Variants in TMCO1 observed in about 807,000 individuals in gnomAD.
The protein encoded by TMCO1 is calcium load-activated calcium channel.
TMCO1 carries 29 observed loss-of-function variants against 29.3 expected under a neutral mutation model. That is an observed-to-expected ratio of 0.99 (90% CI 0.74 to 1.35). The LOEUF is 1.35. TMCO1 is among the 40% of genes most tolerant of loss of function. The probability of loss-of-function intolerance (pLI) is 0.00; values close to 1 mark genes in which losing one functional copy is unlikely to be tolerated. For missense variants in TMCO1, 173 were observed against 225.5 expected (o/e 0.77, Z 1.49); for synonymous variants, 80 against 77.1 (o/e 1.04, Z -0.20).
At chr1:165,734,414 A>T (rs2101790042) in intron 6 of TMCO1, among the ~76,000 whole-genome samples, 1 of 152,346 alleles carries the variant, frequency 6.6e-6, no homozygotes, top group Admixed American at 6.5e-5. Flanking sequence ...CTGTTAGAAA[A>T]AAGAGGGTTG....
At chr1:165,759,826 A>G (rs1478938770) in intron 2 of TMCO1, among the ~76,000 whole-genome samples, 1 of 152,224 alleles carries the variant, frequency 6.6e-6, no homozygotes, top group Non-Finnish European at 1.5e-5. Context: ...AAAGAATTGT[A>G]TTGATATAAT....
chr1:165,732,477 TTCTCTC>T (rs143135718), intron 6 of TMCO1, among the ~76,000 whole-genome samples: 24,101 of 143,854 alleles, frequency 0.17, 2,182 homozygotes, highest in South Asian at 0.25. Context: ...AGCAAATGGT[TTCTCTC>T]TCTCTCTCTC....
At chr1:165,765,196 A>G (rs60421446) in intron 2 of TMCO1, among the ~76,000 whole-genome samples, 2,020 of 152,348 alleles carry the variant, frequency 0.013, 52 homozygotes, top group African/African-American at 0.047. Context: ...ATCATACAGT[A>G]TATTAGAAAG....
chr1:165,740,849 A>T (rs560811242), intron 6 of TMCO1, among the ~76,000 whole-genome samples: 1 of 152,308 alleles, frequency 6.6e-6, no homozygotes, highest in East Asian at 1.9e-4. Flanking sequence ...CCATCTTATG[A>T]TGTAGCAGGA....
chr1:165,752,686 C>T (rs982981212), intron 4 of TMCO1, among the ~76,000 whole-genome samples: 9 of 150,786 alleles, frequency 6.0e-5, no homozygotes, highest in African/African-American at 1.7e-4. Flanking sequence ...CCCAGCTACT[C>T]GGGAGGCTGA....
chr1:165,743,318 GAAAA>G lies in TMCO1; in HGVS notation c.324-11_324-8del. On this transcript the variant is annotated splice_region_variant and splice_polypyrimidine_tract_variant and intron_variant, in intron 5 of 6. Coordinates refer to ENST00000367881, the MANE Select transcript of TMCO1 (RefSeq NM_019026.6). ...CACCACTCTACCATCAAATCTAAAA[GAAAA>G]AAAAAAAAAAAGAATTGTTATCTTT... 5.9e-6 allele frequency: 8 copies of G among 1,346,220 alleles called. No individual in the cohort carries two copies. Among genetic ancestry groups the G allele is most frequent in the South Asian group, 1.3e-5 (1 of 78,394 alleles). 83.4% of individuals were successfully genotyped at this position (1,346,220 alleles called of 1,614,324 possible).
intron 2 of TMCO1, among the ~76,000 whole-genome samples, chr1:165,764,569 GAAC>G (rs1286191737): frequency 6.6e-6 from 1 of 152,080 alleles, no homozygotes. Context: ...CAGGTAGGAG[GAAC>G]AACAGATACA....
rs996925477 is a variant in TMCO1, at chr1:165,727,308, G to C, written c.*715C>G. 2.2e-6 allele frequency: 1 copy of C among 446,890 alleles called. No homozygotes were observed. Among genetic ancestry groups the C allele is most frequent in the Admixed American group, 2.4e-5 (1 of 42,034 alleles). The allele number at this position is 446,890 out of a possible 1,614,324, so 27.7% of individuals were successfully genotyped here. On this transcript the variant is annotated 3_prime_UTR_variant, in exon 7 of 7. Transcript: ENST00000367881. The stretch of plus-strand genomic sequence containing the variant: ...TTTATTTATATTTAATTTTTTTTCA[G>C]ACATCAGTGTTACTTGCCAAGACCC...
chr1:165,760,372 A>T (rs1380987600), intron 2 of TMCO1, among the ~76,000 whole-genome samples: 2 of 151,510 alleles, frequency 1.3e-5, no homozygotes, highest in Non-Finnish European at 2.9e-5. Context: ...TGGAGGTTGC[A>T]GTGAGTTTAG....
At chr1:165,731,115 G>C (rs1651146965) in intron 6 of TMCO1, among the ~76,000 whole-genome samples, 1 of 151,962 alleles carries the variant, frequency 6.6e-6, no homozygotes, top group Non-Finnish European at 1.5e-5. Context: ...TGGCCAGGAT[G>C]GTCTCGATCT....
chr1:165,729,529 A>T (rs1320872047), intron 6 of TMCO1, among the ~76,000 whole-genome samples: 2 of 152,058 alleles, frequency 1.3e-5, no homozygotes, highest in African/African-American at 4.8e-5. Context: ...CATGTTGGCC[A>T]GGCTGGTCTT....
downstream of TMCO1, chr1:165,725,914 A>G (rs1045416861): frequency 3.2e-6 from 2 of 622,470 alleles, no homozygotes; most frequent in Admixed American, 4.2e-5. Flanking sequence ...GAATAGATGT[A>G]ATCTCTCCTT....
rs1226640841 is a variant in TMCO1, at chr1:165,752,086, A to T, written c.323+16T>A. The stretch of plus-strand genomic sequence containing the variant: ...AGTAATAGTTATTAGTCAAAAGCAT[A>T]TAAAAGGACACTCACATGGAATTGA... On this transcript the variant is annotated intron_variant, in intron 5 of 6. Transcript: ENST00000367881. 1.3e-6 allele frequency: 2 copies of T among 1,597,050 alleles called. No individual in the cohort carries two copies. Among genetic ancestry groups the T allele is most frequent in the Non-Finnish European group, 1.7e-6 (2 of 1,164,566 alleles).
intron 6 of TMCO1, among the ~76,000 whole-genome samples, chr1:165,732,975 T>TA (rs1003506872): frequency 6.6e-6 from 1 of 151,856 alleles, no homozygotes; most frequent in Non-Finnish European, 1.5e-5. Context: ...AGTATGAAGC[T>TA]AAAAAAAAGA....
At chr1:165,759,422 A>G (rs571749951) in intron 3 of TMCO1, 103 bp downstream of exon 3, 2 of 851,408 alleles carry the variant, frequency 2.3e-6, no homozygotes, top group Non-Finnish European at 3.8e-6. Context: ...ATAAAATCAT[A>G]GAAATGTGAG....
chr1:165,767,047 T>C (rs1188082668), intron 2 of TMCO1, among the ~76,000 whole-genome samples: 2 of 152,156 alleles, frequency 1.3e-5, no homozygotes, highest in Non-Finnish European at 2.9e-5. Flanking sequence ...CTGAGTCTGG[T>C]CTCTAATTCT....
At chr1:165,733,633 C>G (rs1651257792) in intron 6 of TMCO1, among the ~76,000 whole-genome samples, 2 of 141,690 alleles carry the variant, frequency 1.4e-5, no homozygotes, top group Non-Finnish European at 3.2e-5. Flanking sequence ...ATGCATTTAG[C>G]TAAAAGATAG....
At chr1:165,736,592 G>A (rs1383300264) in intron 6 of TMCO1, among the ~76,000 whole-genome samples, 2 of 151,954 alleles carry the variant, frequency 1.3e-5, no homozygotes, top group Admixed American at 6.6e-5. Context: ...ATGGTAGCGG[G>A]TGCCTGTAAT....
At chr1:165,758,078 G>A (rs539745770) in intron 3 of TMCO1, among the ~76,000 whole-genome samples, 1 of 152,118 alleles carries the variant, frequency 6.6e-6, no homozygotes, top group Admixed American at 6.6e-5. Flanking sequence ...CCCCCATCAT[G>A]CCACTGAAAC....
Sources: gnomAD v4.1 joint callset for allele counts (sites outside exome capture counted in the v4.1 genomes callset) on GRCh38, gnomAD v4.1.1 for gene constraint, MANE v1.5 for transcripts, NCBI Gene and HGNC (gene_info 2026-07-23, HGNC 2026-07-21) for gene names.